MYO1H: variants seen among roughly 807,000 people sequenced by gnomAD.
MYO1H encodes the protein unconventional myosin-Ih.
MYO1H carries 118 observed loss-of-function variants against 149.3 expected under a neutral mutation model. The ratio of observed to expected loss-of-function variants is 0.79; its 90% confidence interval spans 0.68 to 0.92. The LOEUF is 0.92. Ranked by LOEUF, MYO1H falls within the 40% of genes least tolerant of loss-of-function variation. MYO1H has a pLI of 0.00. For missense variants in MYO1H, 1,212 were observed against 1,280.7 expected, an observed-to-expected ratio of 0.95 and a Z score of 0.82; for synonymous variants, 447 against 465.2, an observed-to-expected ratio of 0.96 and a Z score of 0.50.
intron 3 of MYO1H, among the ~76,000 whole-genome samples, chr12:109,393,970 CGTT>C (rs1331381913): frequency 6.6e-6 from 1 of 152,084 alleles, no homozygotes; most frequent in Non-Finnish European, 1.5e-5. Flanking sequence ...GAGGACTGCT[CGTT>C]GGTAGAAACT....
rs568688775 is a variant in MYO1H at position 109,370,503 on chromosome 12, A to T, written c.13-18180A>T. ...ATACTTTCACAAAGAGGAAAATACCATCTGGCTATGGAGTTGTTGTGGGTA... is the reference window on the plus strand; with the variant it reads ...ATACTTTCACAAAGAGGAAAATACCTTCTGGCTATGGAGTTGTTGTGGGTA... On this transcript the variant is annotated intron_variant, in intron 1 of 31. Transcript: ENST00000310903. Among the ~76,000 whole-genome samples the T allele has an allele frequency of 1.4e-3, 213 of 152,330 alleles. 2 individuals carry two copies. The highest frequency in any genetic ancestry group is 4.8e-3 in the African/African-American group (201 of 41,586).
chr12:109,401,251 G>A (rs796944573), exon 6 of MYO1H: 2 of 1,612,666 alleles, frequency 1.2e-6, no homozygotes, highest in Non-Finnish European at 1.7e-6. Context: ...GAGACCCCCA[G>A]CTGTATAAAT....
chr12:109,411,888 T>C lies in MYO1H; in HGVS notation c.1411-6T>C. The C allele has an allele frequency of 6.3e-7, 1 of 1,594,762 alleles. No individual in the cohort carries two copies. The highest frequency in any genetic ancestry group is 8.5e-7 in the Non-Finnish European group (1 of 1,170,318). On this transcript the variant is annotated splice_polypyrimidine_tract_variant and splice_region_variant and intron_variant, in intron 13 of 31. Transcript: ENST00000310903. ...GTGGATTGAGGCTTCTCTTTTTCTT[T>C]TGAAGGATGAAGAATGCATTCGGCC...
At chr12:109,403,901 T>A (rs1870267142) in intron 6 of MYO1H, 81 bp from the exon 7 acceptor site, 1 of 920,596 alleles carries the variant, frequency 1.1e-6, no homozygotes, top group East Asian at 2.6e-5. Context: ...AGGACTAGCT[T>A]TTGCATCTTC....
chr12:109,409,854 G>A, intron 11 of MYO1H, 109 bp from the exon 12 acceptor site: 2 of 688,998 alleles, frequency 2.9e-6, no homozygotes, highest in Non-Finnish European at 2.4e-6. Context: ...TTATTAATGA[G>A]GACTTTGCTT....
At chr12:109,343,722 A>G (rs111827119), upstream of MYO1H, among the ~76,000 whole-genome samples, 1 of 152,230 alleles carries the variant, frequency 6.6e-6, no homozygotes, top group Non-Finnish European at 1.5e-5. Context: ...ATGTACTTAT[A>G]CATATTGATG....
intron 16 of MYO1H, 86 bp downstream of exon 16, chr12:109,421,113 A>AT (rs57928470): frequency 0.016 from 11,804 of 740,918 alleles, 7 homozygotes; most frequent in Middle Eastern, 0.031. Flanking sequence ...CGCCTTCTGG[A>AT]TTTTTTTTTT....
Position 109,365,696 on chromosome 12 carries a change from A to G in MYO1H, c.12+17724A>G, listed in dbSNP as rs544781565. Among the ~76,000 whole-genome samples the G allele has an allele frequency of 2.6e-5, 4 of 152,282 alleles. No homozygotes were observed. The South Asian group carries it at 8.3e-4, about 32-fold the overall frequency. ...CCTATTTCACAGGGGGGTTGTGAGGATTAAATAAGATGATGAGATGACCAA... is the reference window on the plus strand; with the variant it reads ...CCTATTTCACAGGGGGGTTGTGAGGGTTAAATAAGATGATGAGATGACCAA... On this transcript the variant is annotated intron_variant, in intron 1 of 31. Coordinates refer to ENST00000310903, the Ensembl canonical transcript of MYO1H.
At chr12:109,375,130 C>G (rs1869062846) in intron 1 of MYO1H, among the ~76,000 whole-genome samples, 1 of 149,176 alleles carries the variant, frequency 6.7e-6, no homozygotes, top group Non-Finnish European at 1.5e-5. Context: ...GCTGGGATTA[C>G]AGGCGTAAGC....
intron 10 of MYO1H, among the ~76,000 whole-genome samples, chr12:109,408,174 T>TTTTATA (rs1870484961): frequency 6.6e-6 from 1 of 152,182 alleles, no homozygotes; most frequent in African/African-American, 2.4e-5. Context: ...AAACTTTTTA[T>TTTTATA]TTTTTATTTT....
chr12:109,435,340 T>TCAGTTCTC (rs11282820), intron 21 of MYO1H, among the ~76,000 whole-genome samples: 61,848 of 151,676 alleles, frequency 0.41, 12,927 homozygotes, highest in African/African-American at 0.47. Context: ...TTCCGCCGTT[T>TCAGTTCTC]CAGTTCTCGT....
chr12:109,314,144 C>T, the MYO1H span, among the ~76,000 whole-genome samples: 1 of 151,626 alleles, frequency 6.6e-6, no homozygotes, highest in African/African-American at 2.4e-5. Context: ...CTTGACCTCC[C>T]AAAATGCTGG....
rs150233595 is a variant in MYO1H, at chr12:109,349,497, C to CCCA, written c.12+1525_12+1526insCCA. Among the ~76,000 whole-genome samples, 1,198 of 144,466 alleles carry CCCA rather than the reference C, an allele frequency of 8.3e-3. 31 individuals are homozygous for CCCA. Among genetic ancestry groups the CCCA allele is most frequent in the African/African-American group, 0.025 (945 of 37,522 alleles). The allele number at this position is 144,466 out of a possible 152,430, so 94.8% of individuals were successfully genotyped here. A position where few individuals can be genotyped will look rare whatever the true frequency, so the allele number is the denominator to read the frequency against. ...GAGCAACATAGTGTGACCCCCCCACCAAAAAAATTAAAAAGTAGCTAGATA... is the reference window on the plus strand; with the variant it reads ...GAGCAACATAGTGTGACCCCCCCACCCCAAAAAAAATTAAAAAGTAGCTAGATA... On this transcript the variant is annotated intron_variant, in intron 1 of 31. Coordinates refer to ENST00000310903, the Ensembl canonical transcript of MYO1H.
chr12:109,312,761 T>G, the MYO1H span, among the ~76,000 whole-genome samples: 40 of 145,986 alleles, frequency 2.7e-4, no homozygotes, highest in African/African-American at 1.0e-3. Flanking sequence ...AATACCAAGG[T>G]TTTTTTTGTT....
At chr12:109,328,642 CATT>C in the MYO1H span, among the ~76,000 whole-genome samples, 12 of 152,176 alleles carry the variant, frequency 7.9e-5, no homozygotes, top group African/African-American at 2.9e-4. Flanking sequence ...TCCAAAATAA[CATT>C]GAAACTATAA....
chr12:109,393,437 C>T, exon 3 of MYO1H: 1 of 1,575,468 alleles, frequency 6.3e-7, no homozygotes, highest in Non-Finnish European at 8.6e-7. Context: ...TTTGAACTGC[C>T]ACCACATGTG....
intron 2 of MYO1H, among the ~76,000 whole-genome samples, chr12:109,392,939 A>C: frequency 6.6e-6 from 1 of 151,560 alleles, no homozygotes; most frequent in Non-Finnish European, 1.5e-5. Flanking sequence ...CCTCCCGAGT[A>C]ACTGGGACTA....
chr12:109,342,375 CCT>C, the MYO1H span, among the ~76,000 whole-genome samples: 1 of 151,900 alleles, frequency 6.6e-6, no homozygotes, highest in Non-Finnish European at 1.5e-5. Context: ...GAACTCCTGA[CCT>C]CAAGTGATCT....
chr12:109,431,197 A>G (rs1455455344), intron 19 of MYO1H, among the ~76,000 whole-genome samples: 2 of 151,950 alleles, frequency 1.3e-5, no homozygotes, highest in Non-Finnish European at 2.9e-5. Context: ...GGCTAACACA[A>G]TGAAACTCCG....
Sources: gnomAD v4.1 joint callset for allele counts (sites outside exome capture counted in the v4.1 genomes callset) on GRCh38, gnomAD v4.1.1 for gene constraint, MANE v1.5 for transcripts, NCBI Gene and HGNC (gene_info 2026-07-23, HGNC 2026-07-21) for gene names.